The following DCAF8L2 variants were observed in gnomAD, a reference collection of about 807,000 sequenced individuals.
DCAF8L2 encodes DDB1- and CUL4-associated factor 8-like protein 2.
For missense variants in DCAF8L2, 430 were observed against 490.7 expected, an observed-to-expected ratio of 0.88 and a Z score of 1.17; for synonymous variants, 200 against 190.9, an observed-to-expected ratio of 1.05 and a Z score of -0.39.
chrX:27,687,336 A>G (rs989708713), intron 3 of DCAF8L2, among the ~76,000 whole-genome samples: 8 of 111,938 alleles, frequency 7.1e-5, no homozygotes, highest in African/African-American at 2.3e-4. Flanking sequence ...TAGGGGGGAA[A>G]ACCTGTTCAG....
In DCAF8L2 at chrX:27,746,878, C is replaced by A. The variant is rs1362310953; in HGVS notation, c.-18C>A. On this transcript the variant is annotated 5_prime_UTR_variant, in exon 5 of 5. Coordinates refer to ENST00000451261, the MANE Select transcript of DCAF8L2 (RefSeq NM_001353450.2). The stretch of plus-strand genomic sequence containing the variant: ...GGCCTTTGCAGTTCCAGATCTACTA[C>A]AGCAAACATCGTTCAAGATGTCCCA... 3.4e-6 allele frequency: 4 copies of A among 1,180,396 alleles called. No homozygotes were observed.
chrX:27,488,135 C>A, the DCAF8L2 span, among the ~76,000 whole-genome samples: 1 of 111,692 alleles, frequency 9.0e-6, no homozygotes, highest in African/African-American at 3.3e-5. Context: ...GTTCCAGTTT[C>A]TCTATATCAT....
intron 3 of DCAF8L2, among the ~76,000 whole-genome samples, chrX:27,684,717 G>A (rs936181466): frequency 1.2e-4 from 13 of 111,478 alleles, no homozygotes; most frequent in South Asian, 3.8e-4. Context: ...CTACATGGTA[G>A]GACATCTTTG....
chrX:27,470,784 C>T, the DCAF8L2 span, among the ~76,000 whole-genome samples: 1 of 111,786 alleles, frequency 8.9e-6, no homozygotes, highest in South Asian at 3.8e-4. Context: ...TATTGCATGA[C>T]CTTTTAAGAA....
At chrX:27,732,234 T>A (rs1039980879) in intron 4 of DCAF8L2, among the ~76,000 whole-genome samples, 12 of 111,478 alleles carry the variant, frequency 1.1e-4, no homozygotes, top group African/African-American at 3.9e-4. Context: ...TCTCTGGAAT[T>A]CTTACATAAC....
At chrX:27,475,565 G>C in the DCAF8L2 span, among the ~76,000 whole-genome samples, 14 of 111,514 alleles carry the variant, frequency 1.3e-4, no homozygotes, top group African/African-American at 4.6e-4. Flanking sequence ...TTAGTGTGTC[G>C]CTTGAACAGG....
the DCAF8L2 span, among the ~76,000 whole-genome samples, chrX:27,566,914 T>C: frequency 1.3e-4 from 14 of 111,114 alleles, no homozygotes; most frequent in East Asian, 1.7e-3. Context: ...GGTTTTGGTA[T>C]ATTGTGTTTT....
chrX:27,596,478 T>C (rs760004120), intron 1 of DCAF8L2, among the ~76,000 whole-genome samples: 18 of 111,885 alleles, frequency 1.6e-4, no homozygotes, highest in African/African-American at 5.5e-4. Flanking sequence ...TACTATATCA[T>C]TGTAGTCTGG....
intron 2 of DCAF8L2, among the ~76,000 whole-genome samples, chrX:27,648,045 A>C (rs1309285244): frequency 1.8e-5 from 2 of 111,466 alleles, no homozygotes; most frequent in Non-Finnish European, 3.8e-5. Flanking sequence ...AATGGCAAAA[A>C]AGAATTCACA....
intron 2 of DCAF8L2, among the ~76,000 whole-genome samples, chrX:27,665,465 G>A (rs1399166016): frequency 9.0e-6 from 1 of 111,714 alleles, no homozygotes; most frequent in Non-Finnish European, 1.9e-5. Context: ...CTGGAAGATG[G>A]CTAAACATTG....
intron 1 of DCAF8L2, among the ~76,000 whole-genome samples, chrX:27,624,095 A>C (rs973198256): frequency 1.8e-5 from 2 of 112,033 alleles, no homozygotes; most frequent in Admixed American, 1.9e-4. Flanking sequence ...CTAAGGAATT[A>C]GAATTGTCAG....
the DCAF8L2 span, among the ~76,000 whole-genome samples, chrX:27,580,278 G>T: frequency 9.0e-6 from 1 of 111,431 alleles, no homozygotes; most frequent in African/African-American, 3.3e-5. Flanking sequence ...GGTTAATCAG[G>T]ACTATCTGTG....
At chrX:27,651,657 C>T (rs1196554460) in intron 2 of DCAF8L2, among the ~76,000 whole-genome samples, 2 of 108,298 alleles carry the variant, frequency 1.8e-5, no homozygotes, top group African/African-American at 6.8e-5. Flanking sequence ...ACTAAAGGAG[C>T]CTACCACCAC....
At chrX:27,528,063 T>TTTTTAATTTAATTAATTATTAAATTAAA in the DCAF8L2 span, among the ~76,000 whole-genome samples, 1 of 104,166 alleles carries the variant, frequency 9.6e-6, no homozygotes, top group Non-Finnish European at 1.9e-5. Context: ...TTAAATTAAA[T>TTTTTAATTTAATTAATTATTAAATTAAA]TTTTAATTTA....
At chrX:27,541,840 T>G in the DCAF8L2 span, among the ~76,000 whole-genome samples, 1 of 111,336 alleles carries the variant, frequency 9.0e-6, no homozygotes, top group Admixed American at 9.6e-5. Flanking sequence ...CCTGCCTCCC[T>G]CCTTCTCTCC....
chrX:27,609,501 C>T (rs1927062142), intron 1 of DCAF8L2, among the ~76,000 whole-genome samples: 1 of 110,856 alleles, frequency 9.0e-6, no homozygotes, highest in Non-Finnish European at 1.9e-5. Flanking sequence ...TAAAACAAAC[C>T]ACAATAATTC....
chrX:27,632,679 T>A (rs1928339638), intron 2 of DCAF8L2: 1 of 111,355 alleles, frequency 9.0e-6, no homozygotes, highest in East Asian at 2.8e-4. Flanking sequence ...GTGTCTTTGC[T>A]CAAGTCCCAC....
chrX:27,567,165 T>C, the DCAF8L2 span, among the ~76,000 whole-genome samples: 5,706 of 110,886 alleles, frequency 0.051, 259 homozygotes, highest in African/African-American at 0.14. Context: ...TCTTGGAGAA[T>C]GTTCCATGTG....
At chrX:27,540,431 AG>A in the DCAF8L2 span, among the ~76,000 whole-genome samples, 6 of 111,420 alleles carry the variant, frequency 5.4e-5, no homozygotes, top group Admixed American at 4.8e-4. Context: ...AACATGGATG[AG>A]CTCGGAGGAC....
Sources: gnomAD v4.1 joint callset for allele counts (sites outside exome capture counted in the v4.1 genomes callset) on GRCh38, gnomAD v4.1.1 for gene constraint, MANE v1.5 for transcripts, NCBI Gene and HGNC (gene_info 2026-07-23, HGNC 2026-07-21) for gene names.